PROSER1: variants seen among roughly 807,000 people sequenced by gnomAD.
The protein encoded by PROSER1 is proline and serine rich 1, also known as proline and serine-rich protein 1.
Under a neutral mutation model 71.8 loss-of-function variants are expected in PROSER1, and 36 were observed. The observed-to-expected ratio is 0.50, with a 90% confidence interval of 0.38 to 0.66. The LOEUF (loss-of-function observed/expected upper bound fraction) is 0.66. Among genes scored for constraint, PROSER1 ranks in the 30% least tolerant of loss-of-function variants. The pLI, the probability that PROSER1 is intolerant of heterozygous loss-of-function variation, is 0.00. For missense variants in PROSER1, 1,107 were observed against 1,135.0 expected, an observed-to-expected ratio of 0.98 and a Z score of 0.35; for synonymous variants, 490 against 452.4, an observed-to-expected ratio of 1.08 and a Z score of -1.06.
intron 1 of PROSER1, among the ~76,000 whole-genome samples, chr13:39,036,375 T>C (rs1378232195): frequency 6.6e-6 from 1 of 152,202 alleles, no homozygotes; most frequent in Non-Finnish European, 1.5e-5. Flanking sequence ...CCAGAGCACA[T>C]GGCAACAATT....
chr13:39,014,380 G>A lies in PROSER1; in HGVS notation c.872C>T (p.Ala291Val). Residue 291 changes from alanine to valine, a missense_variant, in exon 11 of 13, where the codon GCA (alanine) becomes GTA (valine). Physicochemically the swap from Ala to Val is moderately conservative, Grantham distance 64. Transcript: ENST00000352251. ...TGCTGATGCTGATGGATGATTAATT[G>A]CCTTGACTGGGGATGCAGTAGGAAC... ...TPVPTASPVK[A>V]INHPSASAAA... 6.2e-7 allele frequency: 1 copy of A among 1,614,074 alleles called. No homozygotes were observed. Among genetic ancestry groups the A allele is most frequent in the Non-Finnish European group, 8.5e-7 (1 of 1,180,020 alleles).
At chr13:39,024,445 G>C (rs756455543) in intron 7 of PROSER1, 28 bp downstream of exon 7, 36 of 1,519,718 alleles carry the variant, frequency 2.4e-5, no homozygotes, top group Non-Finnish European at 3.0e-5. Flanking sequence ...AAGGAGTTTG[G>C]GCTTGTTTCA....
In PROSER1 at chr13:39,037,377, G is replaced by A; in HGVS notation, c.-135C>T. The stretch of plus-strand genomic sequence containing the variant: ...AGACTCCACGAGCAAGAGAGGATGC[G>A]AAGAGGTAGAGAGTATTGCAAACTT... On this transcript the variant is annotated 5_prime_UTR_variant, in exon 1 of 13. Transcript: ENST00000352251. The A allele has an allele frequency of 1.4e-6, 1 of 700,486 alleles. No homozygotes were observed. Among genetic ancestry groups the A allele is most frequent in the South Asian group, 1.6e-5 (1 of 60,934 alleles). The allele number at this position is 700,486 out of a possible 1,614,324, so 43.4% of individuals were successfully genotyped here. A position where few individuals can be genotyped will look rare whatever the true frequency, so the allele number is the denominator to read the frequency against.
intron 1 of PROSER1, 60 bp downstream of exon 1, chr13:39,037,138 A>T: frequency 7.8e-7 from 1 of 1,276,836 alleles, no homozygotes; most frequent in Non-Finnish European, 1.1e-6. Flanking sequence ...AGTACCTCAA[A>T]GAGAGTCTAA....
chr13:39,018,465 T>C (rs1240688266), intron 9 of PROSER1, among the ~76,000 whole-genome samples: 2 of 133,118 alleles, frequency 1.5e-5, no homozygotes, highest in African/African-American at 5.8e-5. Context: ...AAAGGACTTT[T>C]AAAACCCGAC....
chr13:39,029,189 T>A, intron 4 of PROSER1, 92 bp downstream of exon 4: 2 of 675,064 alleles, frequency 3.0e-6, no homozygotes, highest in East Asian at 3.0e-5. Context: ...TGTATTTTGT[T>A]AGACACATTA....
At chr13:39,034,107 G>A (rs201931282) in intron 2 of PROSER1, 24 bp downstream of exon 2, 2 of 1,504,382 alleles carry the variant, frequency 1.3e-6, no homozygotes, top group Non-Finnish European at 8.9e-7. Flanking sequence ...AGAAAGCTTT[G>A]TTTAAACAAA....
At chr13:39,022,443 A>AC in intron 8 of PROSER1, 31 bp from the exon 9 acceptor site, 2 of 1,424,350 alleles carry the variant, frequency 1.4e-6, no homozygotes, top group Non-Finnish European at 2.0e-6. Flanking sequence ...AAAAAAATAT[A>AC]CCTTAGGACT....
At chr13:39,020,914 T>G (rs1012757300) in intron 9 of PROSER1, among the ~76,000 whole-genome samples, 1 of 152,200 alleles carries the variant, frequency 6.6e-6, no homozygotes, top group Non-Finnish European at 1.5e-5. Flanking sequence ...TTCCTCTCCA[T>G]GGTAGGCATA....
rs1593527311 is a variant in PROSER1 at position 39,014,272 on chromosome 13, G to A, written c.980C>T (p.Pro327Leu). ...PGQVSSAVHTPQPSIPNPTVI... is the reference protein window; with the variant it reads ...PGQVSSAVHTLQPSIPNPTVI... ...TGTTGGGTTTGGTATTGATGGCTGA[G>A]GTGTGTGAACGGCTGAGGAGACCTG... is the stretch of plus-strand genomic sequence containing the variant. The change falls in exon 11 of 13, where the codon CCT becomes CTT. Residue 327 changes from proline to leucine, a missense_variant. Pro to Leu is a moderately conservative substitution (Grantham distance 98). Transcript: ENST00000352251. 4 of 1,614,134 alleles carry A rather than the reference G, an allele frequency of 2.5e-6. No homozygotes were observed. The South Asian group carries it at 4.4e-5, about 18-fold the overall frequency.
intron 7 of PROSER1, 145 bp downstream of exon 7, chr13:39,024,328 C>T: frequency 1.7e-6 from 1 of 592,940 alleles, no homozygotes; most frequent in East Asian, 2.8e-5. Flanking sequence ...ATTTATGTTT[C>T]CCTCATCCAT....
chr13:39,037,166 C>T, intron 1 of PROSER1, 32 bp downstream of exon 1: 3 of 1,493,576 alleles, frequency 2.0e-6, no homozygotes, highest in South Asian at 1.1e-5. Context: ...GAATTCATCT[C>T]ATAAAATAAT....
intron 1 of PROSER1, among the ~76,000 whole-genome samples, chr13:39,035,898 ATTTT>A (rs1245308624): frequency 2.0e-5 from 3 of 152,224 alleles, no homozygotes; most frequent in African/African-American, 7.2e-5. Flanking sequence ...CAGAAGATAT[ATTTT>A]AACTGCTGAC....
chr13:39,013,388 G>A lies in PROSER1; in HGVS notation c.1864C>T (p.Pro622Ser), dbSNP rs575541815. Reference sequence around the variant, plus strand: ...TGAGAGGGATTCCCAGAATGAGATGGACCTTTGAAGGCCGAGGGAGTAGGA... The same window carrying A: ...TGAGAGGGATTCCCAGAATGAGATGAACCTTTGAAGGCCGAGGGAGTAGGA... ...TSPTPSAFKG[P>S]SHSGNPSHGT... Residue 622 changes from proline to serine, a missense_variant, in exon 11 of 13, where the codon CCA (proline) becomes TCA (serine). Pro to Ser is a moderately conservative substitution (Grantham distance 74). Transcript: ENST00000352251. 6.2e-7 allele frequency: 1 copy of A among 1,614,178 alleles called. No homozygotes were observed. The highest frequency in any genetic ancestry group is 1.3e-5 in the African/African-American group (1 of 75,048).
Position 39,034,209 on chromosome 13 carries a change from A to AAAC in PROSER1, c.46-14_46-13insGTT. ...CTGTCAAAACAGCCTAAAAAAAAAA[A>AAAC]ACACACACACACAGAGTAAAACAGC... On this transcript the variant is annotated splice_polypyrimidine_tract_variant and intron_variant, in intron 1 of 12. Transcript: ENST00000352251. 11 of 1,549,340 alleles carry AAAC rather than the reference A, an allele frequency of 7.1e-6. No individual in the cohort carries two copies. Among genetic ancestry groups the AAAC allele is most frequent in the Non-Finnish European group, 7.9e-6 (9 of 1,143,850 alleles).
At chr13:39,011,761 C>G (rs1186229184) in intron 12 of PROSER1, among the ~76,000 whole-genome samples, 1 of 152,194 alleles carries the variant, frequency 6.6e-6, no homozygotes, top group African/African-American at 2.4e-5. Context: ...AACGGTCAAT[C>G]ATTAAGCTTG....
rs1566023882 is a variant in PROSER1, at chr13:39,018,496, ACACAC to A, written c.731-957_731-953del. ...CCGACACACACACACACACACACAC[ACACAC>A]ACACACACACACACACTACTGGGAA... On this transcript the variant is annotated intron_variant, in intron 9 of 12. Transcript: ENST00000352251. 6.0e-5 allele frequency among the ~76,000 whole-genome samples: 7 copies of A among 116,882 alleles called. No homozygotes were observed. The East Asian group carries it at 8.7e-4, about 15-fold the overall frequency. 76.7% of individuals were successfully genotyped at this position (116,882 alleles called of 152,430 possible).
At chr13:39,034,256 A>G (rs1446483131) in intron 1 of PROSER1, 60 bp from the exon 2 acceptor site, 1 of 1,373,012 alleles carries the variant, frequency 7.3e-7, no homozygotes, top group Non-Finnish European at 9.9e-7. Context: ...TAAGCAGCAC[A>G]GTAATATACA....
intron 1 of PROSER1, 38 bp downstream of exon 1, chr13:39,037,160 T>A (rs1433467031): frequency 7.0e-7 from 1 of 1,438,444 alleles, no homozygotes; most frequent in African/African-American, 1.4e-5. Context: ...ACACGAGAAT[T>A]CATCTCATAA....
Sources: gnomAD v4.1 joint callset for allele counts (sites outside exome capture counted in the v4.1 genomes callset) on GRCh38, gnomAD v4.1.1 for gene constraint, MANE v1.5 for transcripts, NCBI Gene and HGNC (gene_info 2026-07-23, HGNC 2026-07-21) for gene names.